DNAJA4: variants seen among roughly 807,000 people sequenced by gnomAD.
DNAJA4 encodes DnaJ heat shock protein family (Hsp40) member A4.
Under a neutral mutation model 39.7 loss-of-function variants are expected in DNAJA4, and 32 were observed. The ratio of observed to expected loss-of-function variants is 0.81; its 90% CI spans 0.61 to 1.08. The LOEUF (loss-of-function observed/expected upper bound fraction) is 1.08. DNAJA4 is among the 50% of genes least tolerant of loss of function. The pLI is 0.00. For synonymous variants in DNAJA4, 184 were observed against 182.4 expected, an observed-to-expected ratio of 1.01 and a Z score of -0.07; for missense variants, 439 against 505.1, an observed-to-expected ratio of 0.87 and a Z score of 1.25.
Position 78,280,461 on chromosome 15 carries a change from CGTG to C in DNAJA4, c.*5_*7del, listed in dbSNP as rs954736696. On this transcript the variant is annotated 3_prime_UTR_variant, in exon 7 of 7. Coordinates refer to ENST00000394852, the MANE Select transcript of DNAJA4 (RefSeq NM_001130182.2). ...TGGAGTGCAGTGCCAGACGGCATGA[CGTG>C]GTGCGGGGCAGCGTGGCCCCACCGG... 6 of 1,606,554 alleles carry C rather than the reference CGTG, an allele frequency of 3.7e-6. No homozygotes were observed. In the African/African-American group the frequency reaches 8.0e-5, roughly 21 times the overall value.
At chr15:78,265,568 A>C (rs1284173158) in intron 1 of DNAJA4, 1 of 702,260 alleles carries the variant, frequency 1.4e-6, no homozygotes, top group East Asian at 2.7e-5. Flanking sequence ...CATAAGTACC[A>C]ATCATAGACT....
intron 1 of DNAJA4, among the ~76,000 whole-genome samples, chr15:78,265,190 C>T (rs2049088692): frequency 6.6e-6 from 1 of 152,200 alleles, no homozygotes; most frequent in African/African-American, 2.4e-5. Flanking sequence ...TAGCCCCTGC[C>T]GTGCGCGCCG....
chr15:78,267,168 G>GTGTA (rs796152476), intron 1 of DNAJA4, among the ~76,000 whole-genome samples: 41,647 of 100,732 alleles, frequency 0.41, 6,293 homozygotes, highest in East Asian at 0.59. Context: ...GTATGTGAGT[G>GTGTA]TGTGAGTGTG....
chr15:78,264,501 C>A, upstream of DNAJA4: 2 of 1,241,090 alleles, frequency 1.6e-6, no homozygotes, highest in South Asian at 3.4e-5. Context: ...GCGTCACCGT[C>A]TCCTTGCGGA....
intron 5 of DNAJA4, among the ~76,000 whole-genome samples, chr15:78,276,379 A>G (rs2049457603): frequency 6.6e-6 from 1 of 152,170 alleles, no homozygotes; most frequent in South Asian, 2.1e-4. Context: ...CCAGAGGGAG[A>G]TGCCTCTAGG....
rs748997864 is a variant in DNAJA4 at position 78,274,168 on chromosome 15, C to G, written c.419-29C>G. 2.5e-6 allele frequency: 4 copies of G among 1,601,128 alleles called. No individual in the cohort carries two copies. In the Admixed American group the frequency reaches 5.1e-5, roughly 20 times the overall value. On this transcript the variant is annotated intron_variant, in intron 3 of 6. Transcript: ENST00000394852. ...GACACTGGTAAGGGAAGAGCATGGC[C>G]CTCATTCCTGCCTCCCCTGACCCTG... is the stretch of plus-strand genomic sequence containing the variant.
intron 4 of DNAJA4, chr15:78,275,051 G>A (rs1318124599): frequency 5.6e-6 from 1 of 179,778 alleles, no homozygotes; most frequent in African/African-American, 2.4e-5. Flanking sequence ...ACCGACACAG[G>A]TGTTATTAAA....
chr15:78,275,044 G>A (rs1260358095), intron 4 of DNAJA4: 5 of 176,470 alleles, frequency 2.8e-5, no homozygotes, highest in East Asian at 1.5e-4. Context: ...CAGCCAAACC[G>A]ACACAGGTGT....
At chr15:78,267,185 T>A (rs62007836) in intron 1 of DNAJA4, among the ~76,000 whole-genome samples, 1,560 of 102,464 alleles carry the variant, frequency 0.015, 48 homozygotes, top group South Asian at 0.1. Context: ...TGTGTGAGTG[T>A]GTGTGTGAGT....
At chr15:78,266,438 G>C in intron 1 of DNAJA4, 1 of 682,136 alleles carries the variant, frequency 1.5e-6, no homozygotes, top group Non-Finnish European at 2.4e-6. Flanking sequence ...TGTTTGGTTT[G>C]TTTTAAACTA....
rs931417166 is a variant in DNAJA4, at chr15:78,270,657, G to A, written c.293G>A (p.Arg98Gln). 20 of 1,613,634 alleles carry A rather than the reference G, an allele frequency of 1.2e-5. No homozygotes were observed. Among genetic ancestry groups the A allele is most frequent in the East Asian group, 2.2e-5 (1 of 44,896 alleles). The change falls in exon 2 of 7, where the codon CGG becomes CAG. Residue 98 changes from arginine to glutamine, a missense_variant. Coordinates refer to ENST00000394852, the MANE Select transcript of DNAJA4 (RefSeq NM_001130182.2). ...IFDMFFGGGG[R>Q]MARERRGKNV... The stretch of plus-strand genomic sequence containing the variant: ...GACATGTTCTTTGGTGGTGGTGGAC[G>A]GATGGCTAGAGAGAGAAGAGGTAAA...
chr15:78,275,265 C>T (rs1391602454), intron 4 of DNAJA4: 6 of 530,998 alleles, frequency 1.1e-5, no homozygotes, highest in South Asian at 5.0e-5. Flanking sequence ...GATGTAGAGC[C>T]GCATTCCCCC....
chr15:78,278,723 C>T (rs2049553640), intron 5 of DNAJA4, among the ~76,000 whole-genome samples: 1 of 151,882 alleles, frequency 6.6e-6, no homozygotes, highest in Non-Finnish European at 1.5e-5. Flanking sequence ...GTGATCTTGG[C>T]TCACTGTACA....
At position 78,274,146 on chromosome 15, in the gene DNAJA4, A is replaced by G. The variant is rs370037298; in HGVS notation, c.419-51A>G. On this transcript the variant is annotated intron_variant, in intron 3 of 6. Transcript: ENST00000394852. ...TTCTGCCATGGCGCCCAGCAGGGAC[A>G]CTGGTAAGGGAAGAGCATGGCCCTC... 2.2e-5 allele frequency: 35 copies of G among 1,557,630 alleles called. No individual in the cohort carries two copies. In the African/African-American group the frequency reaches 4.6e-4, roughly 20 times the overall value.
In DNAJA4 at chr15:78,279,632, T is replaced by C. The variant is rs762193821; in HGVS notation, c.878-413T>C. 3.6e-5 allele frequency: 7 copies of C among 192,718 alleles called. No individual in the cohort carries two copies. Among genetic ancestry groups the C allele is most frequent in the African/African-American group, 7.0e-5 (3 of 42,930 alleles). 11.9% of individuals were successfully genotyped at this position (192,718 alleles called of 1,614,324 possible). On this transcript the variant is annotated intron_variant, in intron 5 of 6. Transcript: ENST00000394852. This position sits in a 1 kb window ranked among gnomAD's most constrained non-coding sequence, Gnocchi z 4.5. ...CAGGCAGGGGACTGGTTGGACTCTATTGAGGCTTCTTCCTGTCTGTGGGGA... is the reference window on the plus strand; with the variant it reads ...CAGGCAGGGGACTGGTTGGACTCTACTGAGGCTTCTTCCTGTCTGTGGGGA...
chr15:78,273,174 A>G lies in DNAJA4; in HGVS notation c.393A>G (p.Lys131=). 1 of 1,600,990 alleles carries G rather than the reference A, an allele frequency of 6.2e-7. No individual in the cohort carries two copies. The highest frequency in any genetic ancestry group is 8.6e-7 in the Non-Finnish European group (1 of 1,167,850). Residue 131 remains lysine, a synonymous_variant, in exon 3 of 7, where the codon AAA becomes AAG. Coordinates refer to ENST00000394852, the MANE Select transcript of DNAJA4 (RefSeq NM_001130182.2). ...NGVTKKLALQ[K]NVICEKCEGV... The stretch of plus-strand genomic sequence containing the variant: ...TCACGAAGAAATTGGCCCTCCAGAA[A>G]AATGTAATTTGTGAGAAATGTGAAG...
chr15:78,264,777 C>G lies in DNAJA4; in HGVS notation c.14C>G (p.Thr5Ser), dbSNP rs772873763. MVKE[T>S]QYYDILGVKP... ...CGCAGACACAAGATGGTGAAGGAGACCCAGTACTATGACATCCTGGGCGTG... is the reference window on the plus strand; with the variant it reads ...CGCAGACACAAGATGGTGAAGGAGAGCCAGTACTATGACATCCTGGGCGTG... Residue 5 changes from threonine to serine, a missense_variant, in exon 1 of 7, where the codon ACC becomes AGC. By Grantham distance (58) the Thr-to-Ser change is moderately conservative. Transcript: ENST00000394852. 1.2e-6 allele frequency: 2 copies of G among 1,605,164 alleles called. No individual in the cohort carries two copies. The highest frequency in any genetic ancestry group is 4.5e-5 in the East Asian group (2 of 44,304).
intron 2 of DNAJA4, among the ~76,000 whole-genome samples, chr15:78,271,194 C>T (rs2049285641): frequency 6.6e-6 from 1 of 152,236 alleles, no homozygotes; most frequent in Non-Finnish European, 1.5e-5. Context: ...TGACACCCTC[C>T]AATACCATAT....
chr15:78,278,288 G>T (rs1393138814), intron 5 of DNAJA4: 1 of 456,036 alleles, frequency 2.2e-6, no homozygotes, highest in East Asian at 6.9e-5. Flanking sequence ...CTTGAGAGCA[G>T]CAAGAAGCGA....
Sources: gnomAD v4.1 joint callset for allele counts (sites outside exome capture counted in the v4.1 genomes callset) on GRCh38, gnomAD v4.1.1 for gene constraint, Gnocchi (gnomAD v3.1) non-coding constraint, MANE v1.5 for transcripts, NCBI Gene and HGNC (gene_info 2026-07-23, HGNC 2026-07-21) for gene names.